Variants in ZMYM2 observed in about 807,000 individuals in gnomAD.
ZMYM2 encodes the protein zinc finger MYM-type protein 2.
A neutral mutation model predicts 162.8 loss-of-function variants in ZMYM2; 56 were observed. The observed-to-expected ratio is 0.34, with a 90% confidence interval of 0.28 to 0.43. The LOEUF (loss-of-function observed/expected upper bound fraction) is 0.43, where lower values mean the gene tolerates loss of function less well. Among genes scored for constraint, ZMYM2 ranks in the 20% least tolerant of loss-of-function variants. The pLI is 1.00. For synonymous variants in ZMYM2, 510 were observed against 541.6 expected, an observed-to-expected ratio of 0.94 and a Z score of 0.81; for missense variants, 1,275 against 1,621.8, an observed-to-expected ratio of 0.79 and a Z score of 3.67.
the ZMYM2 span, among the ~76,000 whole-genome samples, chr13:19,879,278 G>A: frequency 6.6e-5 from 10 of 152,056 alleles, no homozygotes; most frequent in African/African-American, 2.4e-4. Context: ...TAGTACTCTT[G>A]TTGAAAATCA....
Position 20,086,077 on chromosome 13 carries a change from T to C in ZMYM2, c.*63T>C. 8 of 1,515,172 alleles carry C rather than the reference T, an allele frequency of 5.3e-6. No individual in the cohort carries two copies. In the South Asian group the frequency reaches 6.1e-5, roughly 12 times the overall value. 93.9% of individuals were successfully genotyped at this position (1,515,172 alleles called of 1,614,324 possible). A position where few individuals can be genotyped will look rare whatever the true frequency, so the allele number is the denominator to read the frequency against. ...TTAGATAGTCATGCTGCTAGATCTT[T>C]ATTATGGAAAACATTTCAAGTTTAC... On this transcript the variant is annotated 3_prime_UTR_variant, in exon 25 of 25. Coordinates refer to ENST00000610343, the MANE Select transcript of ZMYM2 (RefSeq NM_197968.4).
chr13:19,951,527 T>TAAA, the ZMYM2 span, among the ~76,000 whole-genome samples: 13,501 of 76,088 alleles, frequency 0.18, 1,956 homozygotes, highest in East Asian at 0.55. Context: ...CCATCTCTAC[T>TAAA]AAAAAAAAAA....
At chr13:19,884,158 A>G in the ZMYM2 span, among the ~76,000 whole-genome samples, 1 of 152,094 alleles carries the variant, frequency 6.6e-6, no homozygotes, top group African/African-American at 2.4e-5. Context: ...GCTTGAGCTT[A>G]TGAGTTTTAC....
intron 2 of ZMYM2, among the ~76,000 whole-genome samples, chr13:19,965,891 TGCCTCA>T (rs1955717863): frequency 6.7e-6 from 1 of 149,080 alleles, no homozygotes; most frequent in Non-Finnish European, 1.5e-5. Flanking sequence ...GCAATTCTCC[TGCCTCA>T]GCCTCCTGTG....
the ZMYM2 span, among the ~76,000 whole-genome samples, chr13:19,916,822 T>C: frequency 6.6e-6 from 1 of 152,166 alleles, no homozygotes; most frequent in Non-Finnish European, 1.5e-5. Flanking sequence ...GTAACAAACC[T>C]GCACGTTGTG....
At chr13:20,048,301 T>A (rs912986118) in intron 12 of ZMYM2, among the ~76,000 whole-genome samples, 10 of 151,506 alleles carry the variant, frequency 6.6e-5, no homozygotes, top group Non-Finnish European at 8.9e-5. Flanking sequence ...TTTTTTAAAA[T>A]TTTTTTGAAA....
chr13:20,019,609 G>C lies in ZMYM2; in HGVS notation c.1575G>C (p.Met525Ile). 1 of 1,594,476 alleles carries C rather than the reference G, an allele frequency of 6.3e-7. No individual in the cohort carries two copies. The highest frequency in any genetic ancestry group is 8.5e-7 in the Non-Finnish European group (1 of 1,169,822). Residue 525 changes from methionine (M) to isoleucine (I), a missense_variant, in exon 7 of 25, where the codon ATG becomes ATC. Physicochemically the swap from Met to Ile is conservative, Grantham distance 10. Coordinates refer to ENST00000610343, the MANE Select transcript of ZMYM2 (RefSeq NM_197968.4). Reference sequence around the variant, plus strand: ...ATCACATGCAGGACTCTTTCTTAATGCAGCCTGAGGTAAGCAGGAATGTAA... The same window carrying C: ...ATCACATGCAGGACTCTTTCTTAATCCAGCCTGAGGTAAGCAGGAATGTAA... ...VRDHMQDSFL[M>I]QPEKYGKLTT... is the part of the protein sequence containing the mutation.
At position 20,082,013 on chromosome 13, in the gene ZMYM2, T is replaced by C. The variant is rs1957945888; in HGVS notation, c.3454-3T>C. The C allele has an allele frequency of 2.7e-6, 4 of 1,502,178 alleles. No individual in the cohort carries two copies. Among genetic ancestry groups the C allele is most frequent in the Non-Finnish European group, 3.5e-6 (4 of 1,126,874 alleles). 93.1% of individuals were successfully genotyped at this position (1,502,178 alleles called of 1,614,324 possible). A position where few individuals can be genotyped will look rare whatever the true frequency, so the allele number is the denominator to read the frequency against. On this transcript the variant is annotated splice_polypyrimidine_tract_variant and splice_region_variant and intron_variant, in intron 21 of 24. Coordinates refer to ENST00000610343, the MANE Select transcript of ZMYM2 (RefSeq NM_197968.4). ...GTTTGTGGGGCTTTTTTTTTTTTTA[T>C]AGTATTTGTGTGGAAGTAATCGAAA...
chr13:20,019,016 G>GT (rs1951845401), intron 6 of ZMYM2, among the ~76,000 whole-genome samples: 1 of 149,992 alleles, frequency 6.7e-6, no homozygotes, highest in African/African-American at 2.4e-5. Flanking sequence ...GGAGGTGGAG[G>GT]TTGCAGTGAG....
the ZMYM2 span, among the ~76,000 whole-genome samples, chr13:19,885,010 C>A: frequency 1.3e-5 from 2 of 152,082 alleles, no homozygotes; most frequent in Non-Finnish European, 2.9e-5. Context: ...TTACAGAATG[C>A]TGATTGGTAT....
the ZMYM2 span, among the ~76,000 whole-genome samples, chr13:19,938,723 C>CT: frequency 0.021 from 3,052 of 144,458 alleles, 39 homozygotes; most frequent in Non-Finnish European, 0.031. Flanking sequence ...CAAAATAGAC[C>CT]TTTTTTTTTT....
intron 4 of ZMYM2, among the ~76,000 whole-genome samples, chr13:20,004,533 G>A (rs1410446136): frequency 3.3e-5 from 5 of 152,208 alleles, no homozygotes; most frequent in Admixed American, 2.0e-4. Context: ...GGGATTACAG[G>A]CGTGAGCCAC....
intron 12 of ZMYM2, among the ~76,000 whole-genome samples, chr13:20,046,789 T>G: frequency 6.6e-6 from 1 of 151,744 alleles, no homozygotes; most frequent in African/African-American, 2.4e-5. Context: ...AAGACCATGT[T>G]ATTGTAGATG....
chr13:20,008,430 C>T (rs995474305), intron 6 of ZMYM2, among the ~76,000 whole-genome samples: 2 of 152,254 alleles, frequency 1.3e-5, no homozygotes, highest in African/African-American at 4.8e-5. Context: ...CATTCCCGCC[C>T]AATTGTTGTT....
At chr13:19,940,951 C>T in the ZMYM2 span, among the ~76,000 whole-genome samples, 1 of 152,104 alleles carries the variant, frequency 6.6e-6, no homozygotes, top group African/African-American at 2.4e-5. Context: ...AGAGATAGAG[C>T]TATAAACAAC....
At chr13:19,920,495 G>A in the ZMYM2 span, among the ~76,000 whole-genome samples, 1 of 151,422 alleles carries the variant, frequency 6.6e-6, no homozygotes. Flanking sequence ...AAGGGAGGAA[G>A]GGAGAAGATG....
chr13:19,987,455 G>A (rs1949251237), intron 2 of ZMYM2, among the ~76,000 whole-genome samples: 1 of 151,964 alleles, frequency 6.6e-6, no homozygotes, highest in Non-Finnish European at 1.5e-5. Flanking sequence ...GGTAGAGATG[G>A]GGTTTCACTG....
chr13:19,912,292 GTTTTTTTTTTTTTT>G, the ZMYM2 span, among the ~76,000 whole-genome samples: 1 of 75,714 alleles, frequency 1.3e-5, no homozygotes, highest in Admixed American at 1.6e-4. Context: ...TGTTTTTTGG[GTTTTTTTTTTTTTT>G]TTTTTTTTGC....
At chr13:19,960,398 CAT>C (rs1244035852) in intron 2 of ZMYM2, among the ~76,000 whole-genome samples, 1 of 152,246 alleles carries the variant, frequency 6.6e-6, no homozygotes, top group Non-Finnish European at 1.5e-5. Context: ...GCAACCTGAA[CAT>C]TTTTTCTTCC....
Sources: gnomAD v4.1 joint callset for allele counts (sites outside exome capture counted in the v4.1 genomes callset) on GRCh38, gnomAD v4.1.1 for gene constraint, MANE v1.5 for transcripts, NCBI Gene and HGNC (gene_info 2026-07-23, HGNC 2026-07-21) for gene names.